PEAK1: variants seen among roughly 807,000 people sequenced by gnomAD.
PEAK1 encodes pseudopodium enriched atypical kinase 1.
PEAK1 carries 54 observed loss-of-function variants against 124.7 expected under a neutral mutation model. That is an observed-to-expected ratio of 0.43 (90% CI 0.35 to 0.54). The LOEUF (loss-of-function observed/expected upper bound fraction) is 0.54, where lower values mean the gene tolerates loss of function less well. Ranked by LOEUF, PEAK1 falls within the 20% of genes least tolerant of loss-of-function variation. The pLI, the probability that PEAK1 is intolerant of heterozygous loss-of-function variation, is 0.01. For missense variants in PEAK1, 2,046 were observed against 2,134.5 expected (o/e 0.96, Z 0.82); for synonymous variants, 719 against 760.0 (o/e 0.95, Z 0.89).
At chr15:77,359,788 C>G (rs1159307651) in intron 2 of PEAK1, among the ~76,000 whole-genome samples, 1 of 151,948 alleles carries the variant, frequency 6.6e-6, no homozygotes, top group East Asian at 1.9e-4. Context: ...AATTAAAGAC[C>G]TAAATAAATG....
chr15:77,284,385 T>A lies in PEAK1; in HGVS notation c.-422-355A>T, dbSNP rs539501051. On this transcript the variant is annotated intron_variant, in intron 4 of 9. Coordinates refer to ENST00000682557, the MANE Select transcript of PEAK1 (RefSeq NM_001385026.1). ...TAACTGTATTACTGTAAGGGACTTA[T>A]GGAACAATGAAGTCAATCTTCTCAC... is the stretch of plus-strand genomic sequence containing the variant. Among the ~76,000 whole-genome samples the A allele has an allele frequency of 2.6e-5, 4 of 152,202 alleles. No homozygotes were observed. In the East Asian group the frequency reaches 7.7e-4, roughly 29 times the overall value.
intron 5 of PEAK1, among the ~76,000 whole-genome samples, chr15:77,277,018 A>G (rs2062365937): frequency 1.3e-5 from 2 of 152,264 alleles, no homozygotes; most frequent in African/African-American, 4.8e-5. Context: ...GTGAGGACAA[A>G]AAGGCCATAT....
chr15:77,392,308 C>T (rs2070534035), intron 1 of PEAK1, among the ~76,000 whole-genome samples: 1 of 152,122 alleles, frequency 6.6e-6, no homozygotes, highest in Non-Finnish European at 1.5e-5. Context: ...ACCTGTGTAG[C>T]TTAGATCATA....
At chr15:77,235,796 T>TC (rs930065477) in intron 6 of PEAK1, among the ~76,000 whole-genome samples, 8 of 152,090 alleles carry the variant, frequency 5.3e-5, no homozygotes, top group African/African-American at 1.9e-4. Flanking sequence ...GGGCCCAAGG[T>TC]CCCCCCTGCT....
At chr15:77,355,849 TCAGCCCTGGAAAAGTTA>T (rs2067485622) in intron 2 of PEAK1, 1 of 985,240 alleles carries the variant, frequency 1.0e-6, no homozygotes, top group Non-Finnish European at 1.2e-6. Flanking sequence ...TCCCAGAATA[TCAGCCCTGGAAAAGTTA>T]CAGCCCTGGA....
intron 8 of PEAK1, among the ~76,000 whole-genome samples, chr15:77,147,613 C>T (rs2054264543): frequency 6.6e-6 from 1 of 152,132 alleles, no homozygotes; most frequent in African/African-American, 2.4e-5. Context: ...TTTATTACTT[C>T]TTTGGGGAAT....
intron 2 of PEAK1, among the ~76,000 whole-genome samples, chr15:77,315,916 T>C (rs2064843021): frequency 6.6e-6 from 1 of 152,070 alleles, no homozygotes; most frequent in Non-Finnish European, 1.5e-5. Context: ...AGGTAAAAAC[T>C]AAGGAAATCT....
chr15:77,391,776 G>A (rs886764161), intron 1 of PEAK1, among the ~76,000 whole-genome samples: 2 of 152,184 alleles, frequency 1.3e-5, no homozygotes, highest in African/African-American at 4.8e-5. Flanking sequence ...TATACTACCA[G>A]TGTGCAAACT....
At chr15:77,366,459 G>A (rs193248453) in intron 1 of PEAK1, among the ~76,000 whole-genome samples, 229 of 152,098 alleles carry the variant, frequency 1.5e-3, no homozygotes, top group Admixed American at 2.2e-3. Context: ...AGCTACAAGT[G>A]ATAACGTAAT....
At chr15:77,202,597 T>A (rs1212786400) in intron 6 of PEAK1, among the ~76,000 whole-genome samples, 1 of 151,142 alleles carries the variant, frequency 6.6e-6, no homozygotes. Context: ...AAACCCCGTC[T>A]CTACTAAAAA....
chr15:77,103,137 A>G (rs1332532737), exon 7 of PEAK1: 3 of 152,204 alleles, frequency 2.0e-5, no homozygotes, highest in African/African-American at 4.8e-5. Flanking sequence ...TACTTTGTCC[A>G]TGATTTTTTT....
chr15:77,296,472 G>C (rs532955672), intron 2 of PEAK1, among the ~76,000 whole-genome samples: 147 of 151,784 alleles, frequency 9.7e-4, no homozygotes, highest in Non-Finnish European at 1.3e-3. Context: ...AAATTAGCCA[G>C]GTGTGGTGGC....
rs1204480403 is a variant in PEAK1, at chr15:77,114,603, G to A, written c.4794C>T (p.Leu1598=). The change falls in exon 10 of 10, where the codon CTC becomes CTT. Residue 1598 remains leucine, a synonymous_variant. Coordinates refer to ENST00000682557, the MANE Select transcript of PEAK1 (RefSeq NM_001385026.1). ...TGGGTAGGTGCAGCATCTCATAGAT[G>A]AGGATGCCTGTCTGGAACTCATCAC... ...KKCDEFQTGI[L]IYEMLHLPNP... 1.9e-6 allele frequency: 3 copies of A among 1,613,926 alleles called. No homozygotes were observed. The African/African-American group carries it at 4.0e-5, about 22-fold the overall frequency.
intron 2 of PEAK1, chr15:77,349,586 G>A: frequency 1.0e-6 from 1 of 984,752 alleles, no homozygotes; most frequent in Non-Finnish European, 1.2e-6. Context: ...CGGAGTCACT[G>A]AATATATGCT....
At chr15:77,224,890 A>G (rs2059559643) in intron 6 of PEAK1, among the ~76,000 whole-genome samples, 1 of 151,444 alleles carries the variant, frequency 6.6e-6, no homozygotes, top group Non-Finnish European at 1.5e-5. Flanking sequence ...ATCTCTTTCC[A>G]TTTCCACAGC....
chr15:77,158,770 T>G, intron 7 of PEAK1, 74 bp from the exon 8 acceptor site: 1 of 1,389,492 alleles, frequency 7.2e-7, no homozygotes, highest in African/African-American at 1.4e-5. Flanking sequence ...GGAAGGCATA[T>G]ACTTCCCATA....
intron 2 of PEAK1, among the ~76,000 whole-genome samples, chr15:77,289,980 T>A (rs575251439): frequency 9.9e-5 from 15 of 152,222 alleles, no homozygotes; most frequent in Non-Finnish European, 2.2e-4. Context: ...ATTACTCTTT[T>A]TTTTTTGAGA....
chr15:77,198,004 C>CTATATGTA (rs1235512014), intron 6 of PEAK1, among the ~76,000 whole-genome samples: 1 of 151,910 alleles, frequency 6.6e-6, no homozygotes, highest in Non-Finnish European at 1.5e-5. Flanking sequence ...TTATCATTTA[C>CTATATGTA]TATCATAGAG....
At chr15:77,371,252 T>C (rs1187133691) in intron 1 of PEAK1, 6 of 977,962 alleles carry the variant, frequency 6.1e-6, no homozygotes, top group Non-Finnish European at 7.3e-6. Flanking sequence ...ACCTAGGGCC[T>C]AGTAGATGCT....
Sources: gnomAD v4.1 joint callset for allele counts (sites outside exome capture counted in the v4.1 genomes callset) on GRCh38, gnomAD v4.1.1 for gene constraint, MANE v1.5 for transcripts, NCBI Gene and HGNC (gene_info 2026-07-23, HGNC 2026-07-21) for gene names.